SH3BGR: variants seen among roughly 807,000 people sequenced by gnomAD.
The protein encoded by SH3BGR is SH3 domain-binding glutamic acid-rich protein.
Under a neutral mutation model 24.5 loss-of-function variants are expected in SH3BGR, and 29 were observed. That is an observed-to-expected ratio of 1.18 (90% CI 0.88 to 1.61). The LOEUF (loss-of-function observed/expected upper bound fraction) is 1.61. Among genes scored for constraint, SH3BGR ranks in the 40% most tolerant of loss-of-function variants. The probability of loss-of-function intolerance (pLI) is 0.00; values close to 1 mark genes in which losing one functional copy is unlikely to be tolerated. For synonymous variants in SH3BGR, 55 were observed against 65.7 expected (o/e 0.84, Z 0.79); for missense variants, 162 against 205.8 (o/e 0.79, Z 1.30).
intron 3 of SH3BGR, among the ~76,000 whole-genome samples, chr21:39,494,247 TCTTC>T (rs760781922): frequency 8.7e-4 from 118 of 136,312 alleles, no homozygotes; most frequent in African/African-American, 2.7e-3. Flanking sequence ...TTCTTCTTCT[TCTTC>T]TTTTTTTTTT....
chr21:39,450,700 T>G (rs2077563777), upstream of SH3BGR, among the ~76,000 whole-genome samples: 1 of 152,198 alleles, frequency 6.6e-6, no homozygotes, highest in South Asian at 2.1e-4. Context: ...CTAATGCCCT[T>G]GATCTTGATT....
At chr21:39,455,831 C>G (rs1210238657) in intron 1 of SH3BGR, among the ~76,000 whole-genome samples, 2 of 152,198 alleles carry the variant, frequency 1.3e-5, no homozygotes, top group Admixed American at 6.5e-5. Flanking sequence ...GTTTAAATGA[C>G]TAGTGTTTGG....
intron 4 of SH3BGR, among the ~76,000 whole-genome samples, chr21:39,501,100 T>G (rs1221280671): frequency 6.6e-6 from 1 of 152,254 alleles, no homozygotes; most frequent in Non-Finnish European, 1.5e-5. Context: ...TTCATTATCT[T>G]GTAATTAAAA....
chr21:39,465,587 T>A (rs2077828266), intron 2 of SH3BGR, among the ~76,000 whole-genome samples: 1 of 152,122 alleles, frequency 6.6e-6, no homozygotes, highest in Non-Finnish European at 1.5e-5. Context: ...CTGCCCATGC[T>A]TATTTTATTT....
intron 3 of SH3BGR, among the ~76,000 whole-genome samples, chr21:39,492,379 A>G (rs920289830): frequency 6.6e-6 from 1 of 151,778 alleles, no homozygotes; most frequent in Non-Finnish European, 1.5e-5. Context: ...ATAGTCTCCA[A>G]TTCCATCCAA....
intron 2 of SH3BGR, among the ~76,000 whole-genome samples, chr21:39,474,686 G>A (rs965992702): frequency 1.3e-5 from 2 of 152,062 alleles, no homozygotes; most frequent in Non-Finnish European, 1.5e-5. Context: ...GTGCCTGTTC[G>A]TATTGGGAGG....
At chr21:39,450,957 C>T (rs1327879587), upstream of SH3BGR, among the ~76,000 whole-genome samples, 4 of 151,878 alleles carry the variant, frequency 2.6e-5, no homozygotes, top group Admixed American at 6.6e-5. Flanking sequence ...CAGATACAGG[C>T]GCCTGCCAAC....
chr21:39,493,294 A>G (rs1160800758), intron 3 of SH3BGR, among the ~76,000 whole-genome samples: 1 of 152,214 alleles, frequency 6.6e-6, no homozygotes, highest in African/African-American at 2.4e-5. Context: ...TGATATTTGT[A>G]TAAGGTGAGA....
In SH3BGR at chr21:39,480,150, A is replaced by G. The variant is rs554193505; in HGVS notation, c.312+4935A>G. 1.8e-3 allele frequency among the ~76,000 whole-genome samples: 281 copies of G among 152,316 alleles called. 3 individuals carry two copies. Among genetic ancestry groups the G allele is most frequent in the African/African-American group, 6.1e-3 (255 of 41,576 alleles). On this transcript the variant is annotated intron_variant, in intron 3 of 6. Coordinates refer to ENST00000333634, the MANE Select transcript of SH3BGR (RefSeq NM_007341.3). Reference sequence around the variant, plus strand: ...TTAGTTACATAATTTGAGATTAAGGATTTTAATATCTTTGCTCTTTTTAAA... The same window carrying G: ...TTAGTTACATAATTTGAGATTAAGGGTTTTAATATCTTTGCTCTTTTTAAA...
intron 5 of SH3BGR, among the ~76,000 whole-genome samples, chr21:39,510,455 CTGTAGCT>C (rs1473026166): frequency 5.5e-4 from 53 of 95,768 alleles, no homozygotes; most frequent in African/African-American, 2.0e-3. Flanking sequence ...CACACACACA[CTGTAGCT>C]ACACACACAC....
At chr21:39,462,792 G>A (rs957693271) in intron 2 of SH3BGR, among the ~76,000 whole-genome samples, 1 of 152,168 alleles carries the variant, frequency 6.6e-6, no homozygotes, top group African/African-American at 2.4e-5. Flanking sequence ...ATTATTTCAG[G>A]TTCTTTGTTT....
chr21:39,503,282 AAG>A (rs778143488), intron 4 of SH3BGR, among the ~76,000 whole-genome samples: 8 of 152,236 alleles, frequency 5.3e-5, no homozygotes, highest in Non-Finnish European at 1.0e-4. Context: ...TTTCAAAAAT[AAG>A]AGTCTTGTGT....
chr21:39,500,528 A>G (rs986358835), intron 4 of SH3BGR, among the ~76,000 whole-genome samples: 1 of 151,988 alleles, frequency 6.6e-6, no homozygotes, highest in African/African-American at 2.4e-5. Context: ...AAGCTGACAT[A>G]ATAGGGGATG....
intron 3 of SH3BGR, among the ~76,000 whole-genome samples, chr21:39,483,599 G>A (rs2078164791): frequency 6.6e-6 from 1 of 152,168 alleles, no homozygotes; most frequent in Non-Finnish European, 1.5e-5. Context: ...CTGAATTTGG[G>A]GGCAAGATTT....
chr21:39,449,008 T>C (rs1302357380), upstream of SH3BGR, among the ~76,000 whole-genome samples: 4 of 152,122 alleles, frequency 2.6e-5, no homozygotes, highest in Admixed American at 2.0e-4. Context: ...TTGGCCAGCT[T>C]ATAGAAATTG....
At chr21:39,484,653 G>A (rs1602126901) in intron 3 of SH3BGR, among the ~76,000 whole-genome samples, 1 of 152,196 alleles carries the variant, frequency 6.6e-6, no homozygotes, top group African/African-American at 2.4e-5. Context: ...AGATACCTAA[G>A]AGGCCGTCCA....
chr21:39,466,668 G>A (rs2077848402), intron 2 of SH3BGR, among the ~76,000 whole-genome samples: 1 of 152,160 alleles, frequency 6.6e-6, no homozygotes, highest in Non-Finnish European at 1.5e-5. Flanking sequence ...ATGGGGAAAA[G>A]CCCCTTATAA....
chr21:39,489,168 C>G (rs2078258693), intron 3 of SH3BGR, among the ~76,000 whole-genome samples: 1 of 152,140 alleles, frequency 6.6e-6, no homozygotes, highest in Admixed American at 6.5e-5. Flanking sequence ...GTTCCAGAAA[C>G]AACAAAAGAC....
chr21:39,497,891 T>C (rs1250557384), intron 3 of SH3BGR, among the ~76,000 whole-genome samples: 1 of 152,218 alleles, frequency 6.6e-6, no homozygotes, highest in Non-Finnish European at 1.5e-5. Context: ...GGGATATGAA[T>C]TGCTGCCACC....
Sources: gnomAD v4.1 joint callset for allele counts (sites outside exome capture counted in the v4.1 genomes callset) on GRCh38, gnomAD v4.1.1 for gene constraint, MANE v1.5 for transcripts, NCBI Gene and HGNC (gene_info 2026-07-23, HGNC 2026-07-21) for gene names.